The following APEX1 variants were observed in gnomAD, a reference collection of about 807,000 sequenced individuals.
The protein encoded by APEX1 is apurinic/apyrimidinic endodeoxyribonuclease 1.
A neutral mutation model predicts 33.2 loss-of-function variants in APEX1; 32 were observed. The ratio of observed to expected loss-of-function variants is 0.96; its 90% CI spans 0.73 to 1.29. The LOEUF is 1.29. Ranked by LOEUF, APEX1 falls within the 50% of genes most tolerant of loss-of-function variation. APEX1 has a pLI of 0.00. For synonymous variants in APEX1, 175 were observed against 156.6 expected (o/e 1.12, Z -0.88); for missense variants, 442 against 395.6 (o/e 1.12, Z -0.99).
Position 20,455,590 on chromosome 14 carries a change from A to G in APEX1, c.-56A>G, listed in dbSNP as rs1257290535. 1 of 1,612,130 alleles carries G rather than the reference A, an allele frequency of 6.2e-7. No homozygotes were observed. The highest frequency in any genetic ancestry group is 8.5e-7 in the Non-Finnish European group (1 of 1,179,988). ...TTTGCGTCTGTAGGCAACGCGGTAA[A>G]AATATTGCTTCGGTGGGTGACGCGG... On this transcript the variant is annotated 5_prime_UTR_variant, in exon 2 of 5. Coordinates refer to ENST00000216714, the MANE Select transcript of APEX1 (RefSeq NM_001641.4).
rs770711224 is a variant in APEX1, at chr14:20,457,453, G to A, written c.902G>A (p.Arg301His). 1.3e-5 allele frequency: 21 copies of A among 1,614,028 alleles called. No homozygotes were observed. Among genetic ancestry groups the A allele is most frequent in the African/African-American group, 6.7e-5 (5 of 74,900 alleles). ...CCTGCATTGTGTGACAGCAAGATCC[G>A]TTCCAAGGCCCTCGGCAGTGATCAC... The part of the protein sequence containing the change: ...LLPALCDSKI[R>H]SKALGSDHCP... Residue 301 changes from arginine (R) to histidine (H), a missense_variant, in exon 5 of 5, where the codon CGT becomes CAT. Physicochemically the swap from Arg to His is conservative, Grantham distance 29. Transcript: ENST00000216714.
intron 2 of APEX1, 70 bp from the exon 3 acceptor site, chr14:20,455,844 T>C: frequency 6.2e-7 from 1 of 1,613,574 alleles, no homozygotes; most frequent in Admixed American, 1.7e-5. Flanking sequence ...TTTCGTTGGG[T>C]CTATAGTTAA....
chr14:20,456,132 T>C, intron 3 of APEX1, 31 bp downstream of exon 3: 2 of 1,609,474 alleles, frequency 1.2e-6, no homozygotes, highest in Non-Finnish European at 1.7e-6. Context: ...AGAGACATTT[T>C]TTAGTATTGA....
chr14:20,456,225 G>A, intron 3 of APEX1, 124 bp downstream of exon 3: 2 of 1,095,050 alleles, frequency 1.8e-6, no homozygotes, highest in Non-Finnish European at 2.7e-6. Context: ...TTTTCTGTGG[G>A]GCTTCCCCAG....
In APEX1 at chr14:20,455,972, A is replaced by AGAG. The variant is rs1324007948; in HGVS notation, c.119_121dup (p.Glu40dup). 3 of 1,614,094 alleles carry AGAG rather than the reference A, an allele frequency of 1.9e-6. No individual in the cohort carries two copies. The highest frequency in any genetic ancestry group is 2.5e-6 in the Non-Finnish European group (3 of 1,180,050). ...AGAAAAATGACAAAGAGGCAGCAGG[A>AGAG]GAGGGCCCAGCCCTGTATGAGGACC... On this transcript the variant is annotated inframe_insertion, in exon 3 of 5. Transcript: ENST00000216714.
chr14:20,457,008 C>T lies in APEX1; in HGVS notation c.457C>T (p.Gln153Ter), dbSNP rs770396638. The T allele has an allele frequency of 6.8e-6, 11 of 1,613,920 alleles. No homozygotes were observed. Among genetic ancestry groups the T allele is most frequent in the Non-Finnish European group, 9.3e-6 (11 of 1,179,962 alleles). The change falls in exon 5 of 5, where the codon CAG (glutamine) becomes TAG (stop). Residue 153 changes from glutamine to a stop codon, truncating the protein, a stop_gained. Transcript: ENST00000216714. LOFTEE classifies it high-confidence loss of function. ...SYGIGDEEHD[Q>*]EGRVIVAEFD... is the part of the protein sequence containing the mutation. ...TTCTATAGGCGATGAGGAGCATGATCAGGAAGGCCGGGTGATTGTGGCTGA... is the reference window on the plus strand; with the variant it reads ...TTCTATAGGCGATGAGGAGCATGATTAGGAAGGCCGGGTGATTGTGGCTGA...
Position 20,457,024 on chromosome 14 carries a change from T to C in APEX1, c.473T>C (p.Ile158Thr), listed in dbSNP as rs760996326. The change falls in exon 5 of 5, where the codon ATT (isoleucine) becomes ACT (threonine). Residue 158 changes from isoleucine (I) to threonine (T), a missense_variant. Coordinates refer to ENST00000216714, the MANE Select transcript of APEX1 (RefSeq NM_001641.4). ...GAGCATGATCAGGAAGGCCGGGTGATTGTGGCTGAATTTGACTCGTTTGTG... is the reference window on the plus strand; with the variant it reads ...GAGCATGATCAGGAAGGCCGGGTGACTGTGGCTGAATTTGACTCGTTTGTG... Reference protein sequence around the residue: ...DEEHDQEGRVIVAEFDSFVLV... With the variant: ...DEEHDQEGRVTVAEFDSFVLV... 39 of 1,614,058 alleles carry C rather than the reference T, an allele frequency of 2.4e-5. No individual in the cohort carries two copies. Among genetic ancestry groups the C allele is most frequent in the Non-Finnish European group, 3.1e-5 (37 of 1,180,028 alleles).
chr14:20,457,149 G>C lies in APEX1; in HGVS notation c.598G>C (p.Ala200Pro), dbSNP rs762137315. ...CTTTCGCAAGTTCCTGAAGGGCCTG[G>C]CTTCCCGAAAGCCCCTTGTGCTGTG... The part of the protein sequence containing the change: ...EAFRKFLKGL[A>P]SRKPLVLCGD... The change falls in exon 5 of 5, where the codon GCT becomes CCT. Residue 200 changes from alanine (A) to proline (P), a missense_variant. Coordinates refer to ENST00000216714, the MANE Select transcript of APEX1 (RefSeq NM_001641.4). The C allele has an allele frequency of 6.2e-7, 1 of 1,614,160 alleles. No individual in the cohort carries two copies. The highest frequency in any genetic ancestry group is 1.1e-5 in the South Asian group (1 of 91,084).
chr14:20,457,648 G>C lies in APEX1; in HGVS notation c.*140G>C. On this transcript the variant is annotated 3_prime_UTR_variant, in exon 5 of 5. Transcript: ENST00000216714. ...CCTCCAACCAGGCTCCTGTGATAGA[G>C]TTCTTTTAAGCCCAAGATTTTTTAT... 2 of 1,238,186 alleles carry C rather than the reference G, an allele frequency of 1.6e-6. No individual in the cohort carries two copies. The highest frequency in any genetic ancestry group is 2.3e-6 in the Non-Finnish European group (2 of 866,780). The allele number at this position is 1,238,186 out of a possible 1,614,324, so 76.7% of individuals were successfully genotyped here. A position where few individuals can be genotyped will look rare whatever the true frequency, so the allele number is the denominator to read the frequency against.
At chr14:20,455,507 G>A (rs1046220086) in intron 1 of APEX1, 71 bp from the exon 2 acceptor site, 1 of 1,422,560 alleles carries the variant, frequency 7.0e-7, no homozygotes, top group Admixed American at 1.9e-5. Flanking sequence ...GCGGGACCTG[G>A]TGCGGGGACG....
chr14:20,456,693 T>C lies in APEX1; in HGVS notation c.272T>C (p.Ile91Thr), dbSNP rs780082716. 1.2e-6 allele frequency: 2 copies of C among 1,614,194 alleles called. No homozygotes were observed. Among genetic ancestry groups the C allele is most frequent in the Admixed American group, 1.7e-5 (1 of 60,034 alleles). The change falls in exon 4 of 5, where the codon ATA (isoleucine) becomes ACA (threonine). Residue 91 changes from isoleucine to threonine, a missense_variant. Transcript: ENST00000216714. ...LDWVKEEAPD[I>T]LCLQETKCSE... ...TGGGTAAAGGAAGAAGCCCCAGATA[T>C]ACTGTGCCTTCAAGAGACCAAATGT... is the stretch of plus-strand genomic sequence containing the variant.
Position 20,455,634 on chromosome 14 carries a change from T to C in APEX1, c.-12T>C. On this transcript the variant is annotated 5_prime_UTR_variant, in exon 2 of 5. Transcript: ENST00000216714. ...GACGCGGTACAGCTGCCCAAGGGCG[T>C]TCGTAACGGGAATGCCGAAGCGTGG... The C allele has an allele frequency of 6.2e-7, 1 of 1,613,206 alleles. No homozygotes were observed. The highest frequency in any genetic ancestry group is 1.9e-4 in the Middle Eastern group (1 of 5,268).
At position 20,456,001 on chromosome 14, in the gene APEX1, C is replaced by G. The variant is rs759659710; in HGVS notation, c.146C>G (p.Pro49Arg). 6.2e-7 allele frequency: 1 copy of G among 1,614,170 alleles called. No individual in the cohort carries two copies. Among genetic ancestry groups the G allele is most frequent in the South Asian group, 1.1e-5 (1 of 91,076 alleles). Residue 49 changes from proline (P) to arginine (R), a missense_variant, in exon 3 of 5, where the codon CCA (proline) becomes CGA (arginine). Pro to Arg is a moderately radical substitution (Grantham distance 103). Coordinates refer to ENST00000216714, the MANE Select transcript of APEX1 (RefSeq NM_001641.4). ...GEGPALYEDP[P>R]DQKTSPSGKP... ...GGCCCAGCCCTGTATGAGGACCCCC[C>G]AGATCAGAAAACCTCACCCAGTGGC...
In APEX1 at chr14:20,456,729, A is replaced by G; in HGVS notation, c.308A>G (p.Lys103Arg). Reference protein sequence around the residue: ...CLQETKCSENKLPAELQELPG... With the variant: ...CLQETKCSENRLPAELQELPG... ...CAAGAGACCAAATGTTCAGAGAACA[A>G]ACTACCAGCTGAACTTCAGGAGCTG... The change falls in exon 4 of 5, where the codon AAA (lysine) becomes AGA (arginine). Residue 103 changes from lysine (K) to arginine (R), a missense_variant. Coordinates refer to ENST00000216714, the MANE Select transcript of APEX1 (RefSeq NM_001641.4). 6.2e-7 allele frequency: 1 copy of G among 1,614,230 alleles called. No individual in the cohort carries two copies. The highest frequency in any genetic ancestry group is 1.1e-5 in the South Asian group (1 of 91,082).
chr14:20,456,910 A>T (rs764757844), intron 4 of APEX1, 50 bp downstream of exon 4: 13 of 1,604,908 alleles, frequency 8.1e-6, no homozygotes, highest in Non-Finnish European at 1.7e-6. Flanking sequence ...ACCAATTGCT[A>T]ATTCTCTATC....
In APEX1 at chr14:20,457,428, C is replaced by G. The variant is rs1881457755; in HGVS notation, c.877C>G (p.Pro293Ala). The G allele has an allele frequency of 3.7e-6, 6 of 1,614,080 alleles. No individual in the cohort carries two copies. The highest frequency in any genetic ancestry group is 5.1e-6 in the Non-Finnish European group (6 of 1,180,040). ...DYFLLSHSLLPALCDSKIRSK... is the reference protein window; with the variant it reads ...DYFLLSHSLLAALCDSKIRSK... ...CTTTTTGTTGTCCCACTCTCTGTTA[C>G]CTGCATTGTGTGACAGCAAGATCCG... is the stretch of plus-strand genomic sequence containing the variant. Residue 293 changes from proline (P) to alanine (A), a missense_variant, in exon 5 of 5, where the codon CCT becomes GCT. Physicochemically the swap from Pro to Ala is conservative, Grantham distance 27 (BLOSUM62 -1). Coordinates refer to ENST00000216714, the MANE Select transcript of APEX1 (RefSeq NM_001641.4).
In APEX1 at chr14:20,456,290, T is replaced by A. The variant is rs3136818; in HGVS notation, c.246+189T>A. 0.047 allele frequency among the ~76,000 whole-genome samples: 7,132 copies of A among 152,262 alleles called. 550 individuals are homozygous for A. The highest frequency in any genetic ancestry group is 0.16 in the African/African-American group (6,647 of 41,538). On this transcript the variant is annotated intron_variant, in intron 3 of 4. Transcript: ENST00000216714. ...TTCCTTCACTTCCATTGCCATTTTC[T>A]TTTTTAGTGTTCTCTCCTCTTCCCA...
chr14:20,457,413 T>A lies in APEX1; in HGVS notation c.862T>A (p.Ser288Thr). ...TTGGCGCCTTGATTACTTTTTGTTG[T>A]CCCACTCTCTGTTACCTGCATTGTG... ...VGWRLDYFLL[S>T]HSLLPALCDS... The change falls in exon 5 of 5, where the codon TCC (serine) becomes ACC (threonine). Residue 288 changes from serine to threonine, a missense_variant. Ser to Thr is a moderately conservative substitution (Grantham distance 58). Transcript: ENST00000216714. 5 of 1,614,224 alleles carry A rather than the reference T, an allele frequency of 3.1e-6. No homozygotes were observed. The highest frequency in any genetic ancestry group is 4.2e-6 in the Non-Finnish European group (5 of 1,180,040).
intron 3 of APEX1, 45 bp from the exon 4 acceptor site, chr14:20,456,623 C>A (rs372205288): frequency 2.2e-5 from 34 of 1,553,090 alleles, no homozygotes; most frequent in South Asian, 1.1e-5. Flanking sequence ...AATAAATGTT[C>A]TGCTGAATTG....
Sources: gnomAD v4.1 joint callset for allele counts (sites outside exome capture counted in the v4.1 genomes callset) on GRCh38, gnomAD v4.1.1 for gene constraint, MANE v1.5 for transcripts, NCBI Gene and HGNC (gene_info 2026-07-23, HGNC 2026-07-21) for gene names.